KCNIP4: variants seen among roughly 807,000 people sequenced by gnomAD.
KCNIP4 encodes the protein potassium voltage-gated channel interacting protein 4.
Under a neutral mutation model 34.0 loss-of-function variants are expected in KCNIP4, and 12 were observed. The observed-to-expected ratio is 0.35, with a 90% confidence interval of 0.23 to 0.57. The LOEUF is 0.57. Ranked by LOEUF, KCNIP4 falls within the 20% of genes least tolerant of loss-of-function variation. The pLI is 0.83. For missense variants in KCNIP4, 238 were observed against 311.7 expected (o/e 0.76, Z 1.78); for synonymous variants, 124 against 102.2 (o/e 1.21, Z -1.29).
chr4:21,350,038 C>T (rs180730549), intron 1 of KCNIP4, among the ~76,000 whole-genome samples: 1 of 152,184 alleles, frequency 6.6e-6, no homozygotes, highest in Admixed American at 6.5e-5. Flanking sequence ...CTCTCAATAA[C>T]ATGTACCTAA....
chr4:21,149,979 G>C (rs1242339904), intron 1 of KCNIP4, among the ~76,000 whole-genome samples: 1 of 152,160 alleles, frequency 6.6e-6, no homozygotes, highest in Non-Finnish European at 1.5e-5. Context: ...ACAAAAGAGA[G>C]AAATGCATTT....
intron 3 of KCNIP4, among the ~76,000 whole-genome samples, chr4:20,835,342 G>T (rs979893070): frequency 1.3e-5 from 2 of 152,032 alleles, no homozygotes; most frequent in Non-Finnish European, 2.9e-5. Context: ...GGTCAAAAAG[G>T]TATGCACTTA....
intron 1 of KCNIP4, among the ~76,000 whole-genome samples, chr4:21,068,666 G>C (rs1577632645): frequency 1.3e-5 from 2 of 152,110 alleles, no homozygotes; most frequent in East Asian, 3.9e-4. Context: ...TCTTCAATGA[G>C]GACTTTCATG....
At chr4:21,264,201 T>C (rs759071170) in intron 1 of KCNIP4, among the ~76,000 whole-genome samples, 37 of 78,830 alleles carry the variant, frequency 4.7e-4, no homozygotes, top group Non-Finnish European at 5.9e-4. Flanking sequence ...TATTCAGCAA[T>C]CTACAAATAA....
chr4:21,358,473 CAG>C (rs1553868024), intron 1 of KCNIP4, among the ~76,000 whole-genome samples: 2 of 152,046 alleles, frequency 1.3e-5, no homozygotes, highest in Non-Finnish European at 2.9e-5. Context: ...CTACTTGACT[CAG>C]AGAGTTATTA....
chr4:21,083,683 G>A (rs1027121916), intron 1 of KCNIP4, among the ~76,000 whole-genome samples: 9 of 151,896 alleles, frequency 5.9e-5, no homozygotes, highest in African/African-American at 2.2e-4. Flanking sequence ...GCCATTAAAA[G>A]GAATGTGACC....
At chr4:21,802,738 T>C (rs1004401218) in intron 1 of KCNIP4, among the ~76,000 whole-genome samples, 78 of 152,132 alleles carry the variant, frequency 5.1e-4, no homozygotes, top group African/African-American at 1.7e-3. Flanking sequence ...GCTGACCTAT[T>C]AATAAAAAAG....
At chr4:20,982,995 A>G (rs1736226413) in intron 1 of KCNIP4, among the ~76,000 whole-genome samples, 1 of 152,240 alleles carries the variant, frequency 6.6e-6, no homozygotes, top group African/African-American at 2.4e-5. Context: ...ATTTAGGTTT[A>G]AATGATTCAA....
At chr4:20,858,068 G>C (rs111831457) in intron 2 of KCNIP4, among the ~76,000 whole-genome samples, 1 of 151,496 alleles carries the variant, frequency 6.6e-6, no homozygotes, top group Admixed American at 6.6e-5. Flanking sequence ...AAAATTAGGC[G>C]GGTGTTGTGG....
At chr4:20,820,592 G>A (rs1716981695) in intron 3 of KCNIP4, among the ~76,000 whole-genome samples, 1 of 152,200 alleles carries the variant, frequency 6.6e-6, no homozygotes, top group African/African-American at 2.4e-5. Flanking sequence ...AGTGATATTT[G>A]ATAAGATTAG....
intron 1 of KCNIP4, among the ~76,000 whole-genome samples, chr4:21,533,521 C>T (rs1042964667): frequency 6.6e-6 from 1 of 152,072 alleles, no homozygotes; most frequent in African/African-American, 2.4e-5. Flanking sequence ...TTATTTCCAA[C>T]ACAAATTAAA....
intron 1 of KCNIP4, among the ~76,000 whole-genome samples, chr4:20,915,271 C>A (rs1414465692): frequency 6.6e-6 from 1 of 152,134 alleles, no homozygotes; most frequent in Non-Finnish European, 1.5e-5. Flanking sequence ...GTAAGCAATA[C>A]TTTTTGAAGT....
intron 1 of KCNIP4, among the ~76,000 whole-genome samples, chr4:21,237,399 G>GCT (rs1759446106): frequency 6.6e-6 from 1 of 152,016 alleles, no homozygotes; most frequent in Non-Finnish European, 1.5e-5. Context: ...ATGTAATTTT[G>GCT]GTCCACATAG....
intron 1 of KCNIP4, among the ~76,000 whole-genome samples, chr4:20,963,805 G>A (rs1734090014): frequency 1.3e-5 from 2 of 152,082 alleles, no homozygotes; most frequent in South Asian, 2.1e-4. Flanking sequence ...AGACGAGAAT[G>A]AGCATGGTGA....
intron 1 of KCNIP4, among the ~76,000 whole-genome samples, chr4:21,794,383 AATTG>A (rs1720496203): frequency 6.6e-6 from 1 of 152,240 alleles, no homozygotes; most frequent in African/African-American, 2.4e-5. Flanking sequence ...TAAACTGCTT[AATTG>A]AATGGGTACA....
chr4:21,033,288 C>T (rs182220068), intron 1 of KCNIP4, among the ~76,000 whole-genome samples: 12 of 152,238 alleles, frequency 7.9e-5, no homozygotes, highest in East Asian at 3.9e-4. Flanking sequence ...ATCCTAGATA[C>T]ATTTAACAGC....
chr4:20,929,999 T>C (rs565542934), intron 1 of KCNIP4, among the ~76,000 whole-genome samples: 1 of 151,948 alleles, frequency 6.6e-6, no homozygotes, highest in African/African-American at 2.4e-5. Context: ...AGGATATGCA[T>C]CACAGAAATA....
In KCNIP4 at chr4:21,526,018, G is replaced by A. The variant is rs117014115; in HGVS notation, c.61+422553C>T. Among the ~76,000 whole-genome samples the A allele has an allele frequency of 1.4e-3, 211 of 152,032 alleles. 1 individual carries two copies. In the East Asian group the frequency reaches 0.02, roughly 14 times the overall value. On this transcript the variant is annotated intron_variant, in intron 1 of 8. Coordinates refer to ENST00000382152, the MANE Select transcript of KCNIP4 (RefSeq NM_025221.6). ...TTTTTTTTAACTGGAAGTTTTCTTC[G>A]ATGAATGAATATGCAGATGGCATAT...
At chr4:20,929,280 C>T (rs1426848982) in intron 1 of KCNIP4, among the ~76,000 whole-genome samples, 1 of 151,934 alleles carries the variant, frequency 6.6e-6, no homozygotes, top group Non-Finnish European at 1.5e-5. Flanking sequence ...AGATAAAAAA[C>T]ACAGAATTTT....
Sources: allele counts gnomAD v4.1 joint callset (sites outside exome capture counted in the v4.1 genomes callset), GRCh38; gene constraint gnomAD v4.1.1; transcripts MANE v1.5; gene names NCBI Gene and HGNC (gene_info 2026-07-23, HGNC 2026-07-21).